Variants in C1GALT1 observed in about 807,000 individuals in gnomAD.
The protein encoded by C1GALT1 is glycoprotein-N-acetylgalactosamine 3-beta-galactosyltransferase 1.
C1GALT1 carries 11 observed loss-of-function variants against 31.0 expected under a neutral mutation model. The ratio of observed to expected loss-of-function variants is 0.36; its 90% CI spans 0.22 to 0.59. The LOEUF is 0.59. Among genes scored for constraint, C1GALT1 ranks in the 20% least tolerant of loss-of-function variants. The pLI is 0.79. For synonymous variants in C1GALT1, 175 were observed against 143.6 expected (o/e 1.22, Z -1.56); for missense variants, 424 against 425.2 (o/e 1.00, Z 0.03).
intron 2 of C1GALT1, among the ~76,000 whole-genome samples, chr7:7,165,197 G>A (rs1457480715): frequency 2.0e-5 from 3 of 152,134 alleles, no homozygotes; most frequent in Non-Finnish European, 4.4e-5. Flanking sequence ...AGGTTAGGAA[G>A]GAGCTCAGGC....
rs185898404 is a variant in C1GALT1 at position 7,211,759 on chromosome 7, A to G, written c.-17-22544A>G. On this transcript the variant is annotated intron_variant, in intron 1 of 3. Transcript: ENST00000436587. ...TTTATTACCTGGCAGAATTTGCAGG[A>G]TAATTTCCCACAATTAGTATAGTGA... 3.5e-4 allele frequency among the ~76,000 whole-genome samples: 54 copies of G among 152,354 alleles called. 1 individual carries two copies. The East Asian group carries it at 8.5e-3, about 24-fold the overall frequency.
intron 1 of C1GALT1, among the ~76,000 whole-genome samples, chr7:7,198,735 A>T (rs960591582): frequency 1.6e-4 from 24 of 152,110 alleles, no homozygotes; most frequent in Admixed American, 9.8e-4. Flanking sequence ...CTGTTCAGGG[A>T]TCCACCTTCT....
At chr7:7,184,136 A>C (rs1389682107) in intron 1 of C1GALT1, among the ~76,000 whole-genome samples, 1 of 152,242 alleles carries the variant, frequency 6.6e-6, no homozygotes, top group Admixed American at 6.5e-5. Context: ...TGTATATAGT[A>C]CACTATACTT....
Position 7,202,847 on chromosome 7 carries a change from A to G in C1GALT1, c.-18+20027A>G, listed in dbSNP as rs112504811. 5.3e-3 allele frequency among the ~76,000 whole-genome samples: 804 copies of G among 152,268 alleles called. 3 individuals carry two copies. Among genetic ancestry groups the G allele is most frequent in the Middle Eastern group, 0.01 (3 of 292 alleles). On this transcript the variant is annotated intron_variant, in intron 1 of 3. Transcript: ENST00000436587. ...CATCTTAACAATATTAAGTTTTCTA[A>G]TTGATGAACATGTAATGTCTTTCTA...
Position 7,218,521 on chromosome 7 carries a change from T to C in C1GALT1, c.-17-15782T>C, listed in dbSNP as rs141675131. ...GTTAAAATGGAGCAACGTAGAGATATTAGATTTGGGGGTGGGGGATGAATA... is the reference window on the plus strand; with the variant it reads ...GTTAAAATGGAGCAACGTAGAGATACTAGATTTGGGGGTGGGGGATGAATA... On this transcript the variant is annotated intron_variant, in intron 1 of 3. Transcript: ENST00000436587. Among the ~76,000 whole-genome samples the C allele has an allele frequency of 4.7e-3, 713 of 152,190 alleles. 2 individuals are homozygous for C. Among genetic ancestry groups the C allele is most frequent in the Middle Eastern group, 0.017 (5 of 292 alleles).
intron 2 of C1GALT1, among the ~76,000 whole-genome samples, chr7:7,237,896 CAGG>C (rs1783438588): frequency 6.6e-6 from 1 of 152,112 alleles, no homozygotes; most frequent in South Asian, 2.1e-4. Context: ...TATGAAGCAC[CAGG>C]AGAACTTATT....
At chr7:7,176,508 A>G (rs1780507701) in intron 2 of C1GALT1, among the ~76,000 whole-genome samples, 1 of 152,214 alleles carries the variant, frequency 6.6e-6, no homozygotes, top group African/African-American at 2.4e-5. Flanking sequence ...CCAGGGAACT[A>G]GAGGAACAAA....
At chr7:7,208,775 C>G (rs7787436) in intron 1 of C1GALT1, among the ~76,000 whole-genome samples, 6,225 of 152,254 alleles carry the variant, frequency 0.041, 284 homozygotes, top group African/African-American at 0.12. Context: ...CTAACTCCCA[C>G]AGCTACATAT....
chr7:7,204,666 CTTTTT>C (rs1430365081), intron 1 of C1GALT1, among the ~76,000 whole-genome samples: 1 of 151,922 alleles, frequency 6.6e-6, no homozygotes, highest in African/African-American at 2.4e-5. Flanking sequence ...TGAGAACTTT[CTTTTT>C]GTTTCGTGTG....
At chr7:7,227,369 C>T (rs1782813175) in intron 1 of C1GALT1, among the ~76,000 whole-genome samples, 1 of 152,100 alleles carries the variant, frequency 6.6e-6, no homozygotes, top group East Asian at 1.9e-4. Context: ...TGGTTTAATC[C>T]ATTAATGGGT....
intron 2 of C1GALT1, among the ~76,000 whole-genome samples, chr7:7,167,359 C>A (rs6957306): frequency 2.0e-5 from 3 of 151,976 alleles, no homozygotes; most frequent in African/African-American, 4.8e-5. Context: ...GAAACATTTG[C>A]TTTCCTGGAT....
intron 2 of C1GALT1, among the ~76,000 whole-genome samples, chr7:7,171,518 C>A (rs910903996): frequency 3.3e-5 from 5 of 152,082 alleles, no homozygotes; most frequent in Non-Finnish European, 5.9e-5. Flanking sequence ...GAATCTCTTA[C>A]AGACAGCATT....
At chr7:7,231,422 C>T (rs1171832565) in intron 1 of C1GALT1, among the ~76,000 whole-genome samples, 1 of 152,118 alleles carries the variant, frequency 6.6e-6, no homozygotes, top group African/African-American at 2.4e-5. Context: ...AGTTATGTCT[C>T]TTCCCTCAAA....
chr7:7,218,298 CAGAA>C (rs1243251238), intron 1 of C1GALT1, among the ~76,000 whole-genome samples: 7 of 152,266 alleles, frequency 4.6e-5, no homozygotes, highest in East Asian at 3.9e-4. Flanking sequence ...AATAAAATGA[CAGAA>C]AGGTGAACTA....
chr7:7,208,743 G>A (rs1443397256), intron 1 of C1GALT1, among the ~76,000 whole-genome samples: 2 of 152,126 alleles, frequency 1.3e-5, no homozygotes, highest in Non-Finnish European at 2.9e-5. Context: ...ATATTTGGAG[G>A]ACGGGGTCCT....
chr7:7,238,995 T>C lies in C1GALT1; in HGVS notation c.888+73T>C, dbSNP rs1160458059. On this transcript the variant is annotated intron_variant, in intron 3 of 3. Coordinates refer to ENST00000436587, the MANE Select transcript of C1GALT1 (RefSeq NM_020156.5). The surrounding 1 kb of genome is among the most constrained non-coding windows in gnomAD (Gnocchi z 5.2). Reference sequence around the variant, plus strand: ...TTTTGTTGATAAAAACATGTTAATATGTGTATGTTTCTTTAGTACCAACAA... The same window carrying C: ...TTTTGTTGATAAAAACATGTTAATACGTGTATGTTTCTTTAGTACCAACAA... The C allele has an allele frequency of 4.1e-6, 5 of 1,218,550 alleles. No individual in the cohort carries two copies. The highest frequency in any genetic ancestry group is 5.7e-6 in the Non-Finnish European group (5 of 872,038). The allele number at this position is 1,218,550 out of a possible 1,614,324, so 75.5% of individuals were successfully genotyped here.
chr7:7,170,011 A>G (rs1217587660), intron 2 of C1GALT1, among the ~76,000 whole-genome samples: 1 of 152,164 alleles, frequency 6.6e-6, no homozygotes, highest in Non-Finnish European at 1.5e-5. Flanking sequence ...GAGGTTTTTG[A>G]TCACTGGTTC....
chr7:7,224,372 C>G (rs1782656004), intron 1 of C1GALT1, among the ~76,000 whole-genome samples: 1 of 139,186 alleles, frequency 7.2e-6, no homozygotes, highest in Non-Finnish European at 1.5e-5. Context: ...GGAGATTGTA[C>G]AAATTGATGT....
intron 1 of C1GALT1, among the ~76,000 whole-genome samples, chr7:7,223,798 C>A (rs1048422901): frequency 2.6e-5 from 4 of 151,326 alleles, no homozygotes; most frequent in African/African-American, 9.7e-5. Flanking sequence ...ATTTCCAGTA[C>A]TATATTGAGT....
Sources: gnomAD v4.1 joint callset for allele counts (sites outside exome capture counted in the v4.1 genomes callset) on GRCh38, gnomAD v4.1.1 for gene constraint, Gnocchi (gnomAD v3.1) non-coding constraint, MANE v1.5 for transcripts, NCBI Gene and HGNC (gene_info 2026-07-23, HGNC 2026-07-21) for gene names.